MYT1L: variants seen among roughly 807,000 people sequenced by gnomAD.
MYT1L encodes myelin transcription factor 1-like protein.
A neutral mutation model predicts 126.7 loss-of-function variants in MYT1L; 12 were observed. That is an observed-to-expected ratio of 0.09 (90% CI 0.06 to 0.15). The LOEUF is 0.15. Ranked by LOEUF, MYT1L falls within the 10% of genes least tolerant of loss-of-function variation. The pLI, the probability that MYT1L is intolerant of heterozygous loss-of-function variation, is 1.00. For synonymous variants in MYT1L, 541 were observed against 604.2 expected (o/e 0.90, Z 1.53); for missense variants, 979 against 1,585.2 (o/e 0.62, Z 6.49).
At chr2:2,171,081 G>A (rs997564567) in intron 3 of MYT1L, among the ~76,000 whole-genome samples, 3 of 152,120 alleles carry the variant, frequency 2.0e-5, no homozygotes, top group Non-Finnish European at 2.9e-5. Context: ...GAGGGGTCCC[G>A]GCGGACACTC....
chr2:1,880,624 C>T (rs1205310090), intron 18 of MYT1L, among the ~76,000 whole-genome samples: 1 of 152,146 alleles, frequency 6.6e-6, no homozygotes, highest in African/African-American at 2.4e-5. Flanking sequence ...TTTTTGTACA[C>T]AGTTGTTGTC....
At chr2:2,146,944 G>C (rs575939006) in intron 3 of MYT1L, among the ~76,000 whole-genome samples, 7 of 152,306 alleles carry the variant, frequency 4.6e-5, no homozygotes, top group Admixed American at 4.6e-4. Flanking sequence ...AGAAAGGAAA[G>C]GGGTCTGGAG....
At chr2:2,232,625 A>G (rs1439854764) in intron 2 of MYT1L, among the ~76,000 whole-genome samples, 1 of 152,228 alleles carries the variant, frequency 6.6e-6, no homozygotes, top group Non-Finnish European at 1.5e-5. Flanking sequence ...ATGAGGAAGG[A>G]AAACTCATTC....
chr2:2,055,212 C>T (rs1181625756), intron 3 of MYT1L, among the ~76,000 whole-genome samples: 1 of 152,070 alleles, frequency 6.6e-6, no homozygotes, highest in Non-Finnish European at 1.5e-5. Flanking sequence ...AAACAAATTA[C>T]AGAAGCATAC....
At chr2:2,056,925 A>G (rs2069649963) in intron 3 of MYT1L, among the ~76,000 whole-genome samples, 2 of 152,164 alleles carry the variant, frequency 1.3e-5, no homozygotes, top group East Asian at 1.9e-4. Context: ...CTGGGATTAT[A>G]TCACACAGAT....
chr2:1,846,678 C>T (rs556835246), intron 19 of MYT1L, among the ~76,000 whole-genome samples: 1 of 152,322 alleles, frequency 6.6e-6, no homozygotes, highest in African/African-American at 2.4e-5. Context: ...GGGTGTCCGG[C>T]CCGGAGCCCA....
At chr2:2,274,992 A>G (rs1212529946) in intron 2 of MYT1L, among the ~76,000 whole-genome samples, 2 of 152,144 alleles carry the variant, frequency 1.3e-5, no homozygotes, top group African/African-American at 4.8e-5. Flanking sequence ...GCAGATGGCC[A>G]CACACTGAGA....
chr2:1,894,298 C>A (rs1232700075), intron 14 of MYT1L, among the ~76,000 whole-genome samples: 1 of 152,156 alleles, frequency 6.6e-6, no homozygotes, highest in African/African-American at 2.4e-5. Context: ...CTGAGCAAGG[C>A]CCACACCAGG....
intron 2 of MYT1L, among the ~76,000 whole-genome samples, chr2:2,209,994 AAGATGAGATCTCCCTGC>A (rs1168226260): frequency 6.6e-6 from 1 of 152,308 alleles, no homozygotes; most frequent in East Asian, 1.9e-4. Flanking sequence ...TAAGTGGGGT[AAGATGAGATCTCCCTGC>A]AGGTTTGATT....
chr2:1,827,522 T>C (rs7584630), intron 21 of MYT1L: 22,450 of 152,068 alleles, frequency 0.15, 3,569 homozygotes, highest in African/African-American at 0.4. Flanking sequence ...AAGGGGAGCA[T>C]CCAGGGAGCG....
At chr2:1,821,935 G>C (rs1028802961) in intron 21 of MYT1L, among the ~76,000 whole-genome samples, 2 of 152,234 alleles carry the variant, frequency 1.3e-5, no homozygotes, top group Non-Finnish European at 2.9e-5. Flanking sequence ...TTCTGCCGGG[G>C]AGAAGGAGGC....
chr2:2,003,632 T>G (rs2062638688), intron 4 of MYT1L, among the ~76,000 whole-genome samples: 1 of 152,158 alleles, frequency 6.6e-6, no homozygotes. Flanking sequence ...TTGTGAGATG[T>G]CCCCTTCCTG....
intron 23 of MYT1L, among the ~76,000 whole-genome samples, chr2:1,792,799 G>A (rs1662640943): frequency 6.9e-6 from 1 of 145,070 alleles, no homozygotes; most frequent in South Asian, 2.3e-4. Context: ...GAACCCGAGA[G>A]GCGGAGGTTG....
intron 14 of MYT1L, among the ~76,000 whole-genome samples, chr2:1,898,578 C>T (rs768767593): frequency 3.3e-5 from 5 of 152,218 alleles, no homozygotes; most frequent in African/African-American, 4.8e-5. Context: ...TCTGCAGACC[C>T]GGCCTGTGAC....
intron 2 of MYT1L, among the ~76,000 whole-genome samples, chr2:2,265,764 G>A (rs1260692367): frequency 1.3e-5 from 2 of 152,162 alleles, no homozygotes; most frequent in Admixed American, 1.3e-4. Context: ...TACATGAAGA[G>A]AAGTTCACGG....
intron 9 of MYT1L, among the ~76,000 whole-genome samples, chr2:1,927,932 AAAC>A (rs201270034): frequency 4.0e-5 from 2 of 49,528 alleles, no homozygotes; most frequent in African/African-American, 2.6e-4. Context: ...AAAAAAAACC[AAAC>A]CACATAAACC....
At chr2:2,074,420 T>C (rs2074986239) in intron 3 of MYT1L, among the ~76,000 whole-genome samples, 1 of 152,218 alleles carries the variant, frequency 6.6e-6, no homozygotes, top group Admixed American at 6.5e-5. Flanking sequence ...GATGTGCTCA[T>C]ACCTTTACCA....
chr2:2,013,378 G>A (rs1242236152), intron 4 of MYT1L, among the ~76,000 whole-genome samples: 2 of 152,146 alleles, frequency 1.3e-5, no homozygotes, highest in Admixed American at 1.3e-4. Flanking sequence ...TGTCTGTGGG[G>A]CCTCTGACAC....
rs949578450 is a variant in MYT1L, at chr2:1,850,813, G to A, written c.2774+828C>T. 1.1e-4 allele frequency among the ~76,000 whole-genome samples: 16 copies of A among 152,142 alleles called. No individual in the cohort carries two copies. The East Asian group carries it at 1.2e-3, about 11-fold the overall frequency. On this transcript the variant is annotated intron_variant, in intron 19 of 24. Coordinates refer to ENST00000647738, the MANE Select transcript of MYT1L (RefSeq NM_001303052.2). Reference sequence around the variant, plus strand: ...AAATCCCTTCTCCTTGGTGCTTCCCGTGGGGAATTTTCCATCCACTGACCC... The same window carrying A: ...AAATCCCTTCTCCTTGGTGCTTCCCATGGGGAATTTTCCATCCACTGACCC...
Sources: gnomAD v4.1 joint callset for allele counts (sites outside exome capture counted in the v4.1 genomes callset) on GRCh38, gnomAD v4.1.1 for gene constraint, MANE v1.5 for transcripts, NCBI Gene and HGNC (gene_info 2026-07-23, HGNC 2026-07-21) for gene names.